Variants in CPA5 observed in about 807,000 individuals in gnomAD.
The protein encoded by CPA5 is testicular tissue protein Li 32.
A neutral mutation model predicts 52.2 loss-of-function variants in CPA5; 38 were observed. The ratio of observed to expected loss-of-function variants is 0.73; its 90% CI spans 0.56 to 0.95. CPA5 has a LOEUF of 0.95. Ranked by LOEUF, CPA5 falls within the 40% of genes least tolerant of loss-of-function variation. The pLI is 0.00. For synonymous variants in CPA5, 198 were observed against 213.7 expected (o/e 0.93, Z 0.64); for missense variants, 519 against 566.7 (o/e 0.92, Z 0.86).
At chr7:130,364,525 C>T (rs879956081) in intron 10 of CPA5, among the ~76,000 whole-genome samples, 1 of 152,198 alleles carries the variant, frequency 6.6e-6, no homozygotes, top group Non-Finnish European at 1.5e-5. Flanking sequence ...TTTGTAGAGA[C>T]GTGGTTTCAC....
chr7:130,366,700 G>A (rs1796105537), intron 10 of CPA5, among the ~76,000 whole-genome samples: 1 of 152,136 alleles, frequency 6.6e-6, no homozygotes, highest in East Asian at 1.9e-4. Flanking sequence ...GGCGCACCTG[G>A]GGCCATGGCT....
At chr7:130,371,120 G>A (rs545014062), downstream of CPA5, among the ~76,000 whole-genome samples, 11 of 152,344 alleles carry the variant, frequency 7.2e-5, no homozygotes, top group African/African-American at 2.4e-4. Context: ...TCTAGTGGGT[G>A]GGGCCTAGGA....
intron 3 of CPA5, among the ~76,000 whole-genome samples, chr7:130,347,396 C>G (rs1385110439): frequency 6.6e-6 from 1 of 152,164 alleles, no homozygotes; most frequent in Admixed American, 6.5e-5. Flanking sequence ...GCCCCTGTGT[C>G]TATTCCTTTC....
rs548730249 is a variant in CPA5, at chr7:130,359,659, G to A, written c.404G>A (p.Ser135Asn). The A allele has an allele frequency of 1.3e-6, 2 of 1,586,592 alleles. No homozygotes were observed. Among genetic ancestry groups the A allele is most frequent in the Non-Finnish European group, 1.7e-6 (2 of 1,166,402 alleles). Residue 135 changes from serine to asparagine, a missense_variant, in exon 6 of 13, where the codon AGT becomes AAT. Ser to Asn is a conservative substitution (Grantham distance 46). Coordinates refer to ENST00000474905, the MANE Select transcript of CPA5 (RefSeq NM_080385.5). Reference sequence around the variant, plus strand: ...CTGGAGCGCAGCACCAACAGCTTCAGTTACTCATCATACCACACCCTGGAG... The same window carrying A: ...CTGGAGCGCAGCACCAACAGCTTCAATTACTCATCATACCACACCCTGGAG... ...RRLERSTNSFSYSSYHTLEEI... is the reference protein window; with the variant it reads ...RRLERSTNSFNYSSYHTLEEI...
At chr7:130,357,739 G>A (rs1331427043) in intron 5 of CPA5, among the ~76,000 whole-genome samples, 1 of 152,066 alleles carries the variant, frequency 6.6e-6, no homozygotes, top group African/African-American at 2.4e-5. Context: ...CAGGCATTGC[G>A]AATATTTTGG....
chr7:130,352,701 T>A (rs1284862468), intron 5 of CPA5, among the ~76,000 whole-genome samples: 1 of 152,124 alleles, frequency 6.6e-6, no homozygotes, highest in African/African-American at 2.4e-5. Context: ...AGTGTTGAGT[T>A]GGGGACAGGA....
intron 3 of CPA5, 24 bp downstream of exon 3, chr7:130,346,625 A>T: frequency 6.3e-7 from 1 of 1,589,470 alleles, no homozygotes; most frequent in Non-Finnish European, 8.6e-7. Context: ...CCACAGTGGG[A>T]GGGAGGACTG....
At chr7:130,368,385 C>T in intron 12 of CPA5, 25 bp from the exon 13 acceptor site, 1 of 1,609,830 alleles carries the variant, frequency 6.2e-7, no homozygotes, top group Non-Finnish European at 8.5e-7. Flanking sequence ...TTTTGTGGGG[C>T]ACATTTTGGA....
chr7:130,356,153 G>A lies in CPA5; in HGVS notation c.334-3436G>A, dbSNP rs747062062. 1.7e-4 allele frequency among the ~76,000 whole-genome samples: 26 copies of A among 151,362 alleles called. 1 individual carries two copies. In the South Asian group the frequency reaches 1.9e-3, roughly 11 times the overall value. ...AACCCACTCTGTTTCCATGAGCTGCGTCCATTTTGCATCTGTGGCTGGAGT... is the reference window on the plus strand; with the variant it reads ...AACCCACTCTGTTTCCATGAGCTGCATCCATTTTGCATCTGTGGCTGGAGT... On this transcript the variant is annotated intron_variant, in intron 5 of 12. Transcript: ENST00000474905.
rs191848528 is a variant in CPA5, at chr7:130,353,070, G to T, written c.333+2961G>T. Among the ~76,000 whole-genome samples, 512 of 151,716 alleles carry T rather than the reference G, an allele frequency of 3.4e-3. 4 individuals are homozygous for T. Among genetic ancestry groups the T allele is most frequent in the African/African-American group, 0.012 (484 of 41,320 alleles). On this transcript the variant is annotated intron_variant, in intron 5 of 12. Coordinates refer to ENST00000474905, the MANE Select transcript of CPA5 (RefSeq NM_080385.5). ...AAATACTGCGTTGCCAATTTCCCTC[G>T]CCCTAGTGGATCACTCTCATCACCA...
intron 3 of CPA5, among the ~76,000 whole-genome samples, chr7:130,347,245 C>T (rs577686885): frequency 9.8e-5 from 15 of 152,322 alleles, no homozygotes; most frequent in African/African-American, 3.6e-4. Flanking sequence ...CTCCACTCAC[C>T]TCCATCGGGA....
chr7:130,370,701 A>G (rs1240966983), downstream of CPA5, among the ~76,000 whole-genome samples: 1 of 152,194 alleles, frequency 6.6e-6, no homozygotes, highest in African/African-American at 2.4e-5. Context: ...CCATTTGTCC[A>G]AGTGCAGCCG....
At chr7:130,350,265 C>T (rs959361011) in intron 5 of CPA5, among the ~76,000 whole-genome samples, 156 bp downstream of exon 5, 8 of 152,184 alleles carry the variant, frequency 5.3e-5, no homozygotes, top group Admixed American at 1.3e-4. Context: ...GTGAGCCGCA[C>T]GCTTCTCAGA....
In CPA5 at chr7:130,368,559, C is replaced by T. The variant is rs781915832; in HGVS notation, c.1273C>T (p.Arg425Trp). 20 of 1,614,046 alleles carry T rather than the reference C, an allele frequency of 1.2e-5. No homozygotes were observed. The highest frequency in any genetic ancestry group is 3.3e-4 in the Middle Eastern group (2 of 6,058). ...PTAQETWMAL[R>W]TIMEHTLNHP... is the part of the protein sequence containing the mutation. ...GGCCCAGGAGACGTGGATGGCGCTT[C>T]GGACCATCATGGAGCACACCCTGAA... The change falls in exon 13 of 13, where the codon CGG (arginine) becomes TGG (tryptophan). Residue 425 changes from arginine to tryptophan, a missense_variant. Arg to Trp is a moderately radical substitution (Grantham distance 101, BLOSUM62 -3). Transcript: ENST00000474905.
downstream of CPA5, among the ~76,000 whole-genome samples, chr7:130,369,174 G>A (rs189360038): frequency 3.3e-5 from 5 of 152,218 alleles, no homozygotes; most frequent in East Asian, 3.9e-4. Flanking sequence ...TGCTCCCCCC[G>A]AGGTGTCCTC....
At chr7:130,354,109 G>A (rs1795336619) in intron 5 of CPA5, among the ~76,000 whole-genome samples, 1 of 151,950 alleles carries the variant, frequency 6.6e-6, no homozygotes, top group Admixed American at 6.6e-5. Context: ...TGTATTTTTT[G>A]TAGAGATGGG....
chr7:130,373,553 G>C (rs1235798424), downstream of CPA5, among the ~76,000 whole-genome samples: 1 of 152,226 alleles, frequency 6.6e-6, no homozygotes, highest in Non-Finnish European at 1.5e-5. Flanking sequence ...GGCCGTGGGG[G>C]CTGGGCCCTG....
At chr7:130,357,270 A>G (rs1795529181) in intron 5 of CPA5, among the ~76,000 whole-genome samples, 1 of 152,120 alleles carries the variant, frequency 6.6e-6, no homozygotes, top group African/African-American at 2.4e-5. Context: ...GCATTGCCTC[A>G]TCTGTGGCAG....
At chr7:130,359,469 G>A in intron 5 of CPA5, 120 bp from the exon 6 acceptor site, 1 of 671,428 alleles carries the variant, frequency 1.5e-6, no homozygotes. Context: ...CACACTCATG[G>A]TGGCTCATTC....
Sources: gnomAD v4.1 joint callset for allele counts (sites outside exome capture counted in the v4.1 genomes callset) on GRCh38, gnomAD v4.1.1 for gene constraint, MANE v1.5 for transcripts, NCBI Gene and HGNC (gene_info 2026-07-23, HGNC 2026-07-21) for gene names.